The following RASL12 variants were observed in gnomAD, a reference collection of about 807,000 sequenced individuals.
RASL12 encodes the protein ras-like protein family member 12.
RASL12 carries 16 observed loss-of-function variants against 22.9 expected under a neutral mutation model. The ratio of observed to expected loss-of-function variants is 0.70; its 90% CI spans 0.47 to 1.06. The LOEUF (loss-of-function observed/expected upper bound fraction) is 1.06. Among genes scored for constraint, RASL12 ranks in the 50% least tolerant of loss-of-function variants. RASL12 has a pLI of 0.00. For missense variants in RASL12, 306 were observed against 353.1 expected, an observed-to-expected ratio of 0.87 and a Z score of 1.07; for synonymous variants, 159 against 152.2, an observed-to-expected ratio of 1.04 and a Z score of -0.33.
rs539543849 is a variant in RASL12 at position 65,062,024 on chromosome 15, T to A, written c.161-2606A>T. On this transcript the variant is annotated intron_variant, in intron 2 of 4. Transcript: ENST00000220062. ...TGAACCCGGGAGGTGGAGCTTGCAGTGAGCCGAGATTGCGCCACTGCACTC... is the reference window on the plus strand; with the variant it reads ...TGAACCCGGGAGGTGGAGCTTGCAGAGAGCCGAGATTGCGCCACTGCACTC... Among the ~76,000 whole-genome samples, 5 of 143,062 alleles carry A rather than the reference T, an allele frequency of 3.5e-5. No homozygotes were observed. In the South Asian group the frequency reaches 1.1e-3, roughly 31 times the overall value. The allele number at this position is 143,062 out of a possible 152,430, so 93.9% of individuals were successfully genotyped here.
intron 2 of RASL12, among the ~76,000 whole-genome samples, chr15:65,061,965 C>T (rs1196184771): frequency 2.0e-5 from 3 of 151,638 alleles, no homozygotes; most frequent in Non-Finnish European, 4.4e-5. Flanking sequence ...CCTGTAGTCC[C>T]AGCTACTCGG....
intron 2 of RASL12, among the ~76,000 whole-genome samples, chr15:65,064,526 C>T (rs573768719): frequency 9.2e-5 from 14 of 152,232 alleles, no homozygotes; most frequent in South Asian, 4.1e-4. Flanking sequence ...GAGAATTTCT[C>T]GAATGTCCTG....
downstream of RASL12, among the ~76,000 whole-genome samples, chr15:65,052,690 C>T (rs2086670225): frequency 6.6e-6 from 1 of 152,132 alleles, no homozygotes; most frequent in Non-Finnish European, 1.5e-5. Flanking sequence ...AGCCACTGCA[C>T]CTGGTCTCCT....
intron 1 of RASL12, among the ~76,000 whole-genome samples, chr15:65,066,087 G>T (rs902240575): frequency 2.1e-5 from 3 of 142,836 alleles, no homozygotes; most frequent in African/African-American, 7.8e-5. Context: ...GAGAATAAAA[G>T]AAAGAGAAGG....
At chr15:65,058,876 TC>T (rs1355658827) in intron 3 of RASL12, among the ~76,000 whole-genome samples, 1 of 152,234 alleles carries the variant, frequency 6.6e-6, no homozygotes, top group Non-Finnish European at 1.5e-5. Context: ...TCTGGCATGG[TC>T]CCTACAGAGA....
At chr15:65,075,217 C>T (rs916405049) in intron 1 of RASL12, among the ~76,000 whole-genome samples, 8 of 152,222 alleles carry the variant, frequency 5.3e-5, no homozygotes, top group Admixed American at 2.6e-4. Flanking sequence ...GCCAGCCCAC[C>T]GGCGCTGTGC....
At chr15:65,053,136 T>G, downstream of RASL12, 2 of 1,614,118 alleles carry the variant, frequency 1.2e-6, no homozygotes, top group Non-Finnish European at 1.7e-6. Context: ...TCAGTTTTCC[T>G]TCCGGATGTA....
At chr15:65,074,581 G>C (rs1414678484) in intron 1 of RASL12, among the ~76,000 whole-genome samples, 1 of 152,096 alleles carries the variant, frequency 6.6e-6, no homozygotes, top group African/African-American at 2.4e-5. Context: ...ATTTTTAATA[G>C]AGACGGGGTT....
chr15:65,067,987 G>T lies in RASL12; in HGVS notation c.-152C>A. 1 of 1,163,794 alleles carries T rather than the reference G, an allele frequency of 8.6e-7. No homozygotes were observed. Among genetic ancestry groups the T allele is most frequent in the Non-Finnish European group, 1.1e-6 (1 of 944,704 alleles). The allele number at this position is 1,163,794 out of a possible 1,614,324, so 72.1% of individuals were successfully genotyped here. A position where few individuals can be genotyped will look rare whatever the true frequency, so the allele number is the denominator to read the frequency against. On this transcript the variant is annotated 5_prime_UTR_variant, in exon 1 of 5. Transcript: ENST00000220062. Reference sequence around the variant, plus strand: ...CCGCGCCCTCGGCCCCGCGTCCAGCGGGCTGCCACCCCGCGGGGAGGAGGG... The same window carrying T: ...CCGCGCCCTCGGCCCCGCGTCCAGCTGGCTGCCACCCCGCGGGGAGGAGGG...
chr15:65,055,207 C>G lies in RASL12; in HGVS notation c.493G>C (p.Ala165Pro). The G allele has an allele frequency of 2.5e-6, 4 of 1,610,180 alleles. No homozygotes were observed. The highest frequency in any genetic ancestry group is 3.4e-6 in the Non-Finnish European group (4 of 1,178,424). The change falls in exon 5 of 5, where the codon GCC (alanine) becomes CCC (proline). Residue 165 changes from alanine to proline, a missense_variant. Physicochemically the swap from Ala to Pro is conservative, Grantham distance 27. Coordinates refer to ENST00000220062, the MANE Select transcript of RASL12 (RefSeq NM_016563.4). ...RFGCLFFEVS[A>P]CLDFEHVQHV... Reference sequence around the variant, plus strand: ...TGCACGTGCTCAAAGTCCAGACAGGCAGAGACCTCGAAAAACAGGCACCCA... The same window carrying G: ...TGCACGTGCTCAAAGTCCAGACAGGGAGAGACCTCGAAAAACAGGCACCCA...
At chr15:65,050,836 CT>C (rs57404080), downstream of RASL12, among the ~76,000 whole-genome samples, 18 of 95,632 alleles carry the variant, frequency 1.9e-4, no homozygotes, top group Admixed American at 2.7e-4. Context: ...TCTTCTTCTT[CT>C]TTTTTTTTTT....
downstream of RASL12, chr15:65,049,809 C>A: frequency 1.7e-4 from 70 of 402,860 alleles, no homozygotes; most frequent in East Asian, 2.5e-4. Context: ...TGTCCCATAA[C>A]TTTGGGCCAG....
At chr15:65,052,399 CTTTTTTTTTT>C (rs34021026), downstream of RASL12, among the ~76,000 whole-genome samples, 1 of 76,346 alleles carries the variant, frequency 1.3e-5, no homozygotes, top group Non-Finnish European at 2.5e-5. Flanking sequence ...GCATCCTTGG[CTTTTTTTTTT>C]TTTTTTTTTT....
chr15:65,058,342 G>C, intron 4 of RASL12, 85 bp downstream of exon 4: 1 of 1,116,620 alleles, frequency 9.0e-7, no homozygotes, highest in Admixed American at 3.1e-5. Context: ...GTTCTTAGCA[G>C]CCCACTAATC....
At chr15:65,051,751 G>A, downstream of RASL12, 2 of 620,328 alleles carry the variant, frequency 3.2e-6, no homozygotes, top group African/African-American at 2.0e-5. Flanking sequence ...TGTCCTTCGA[G>A]AACCCCAAGC....
At chr15:65,073,062 CAAAA>C (rs1040852284) in intron 1 of RASL12, among the ~76,000 whole-genome samples, 6 of 151,916 alleles carry the variant, frequency 3.9e-5, no homozygotes, top group Non-Finnish European at 8.8e-5. Context: ...AACAAACAAA[CAAAA>C]AAACCCCAAA....
At chr15:65,065,335 G>T in intron 1 of RASL12, 62 bp from the exon 2 acceptor site, 1 of 1,485,216 alleles carries the variant, frequency 6.7e-7, no homozygotes, top group African/African-American at 1.4e-5. Flanking sequence ...CTGGCCCCTC[G>T]TTTAAGGGAG....
chr15:65,050,804 TCTTTC>T (rs1242552330), downstream of RASL12, among the ~76,000 whole-genome samples: 1 of 150,700 alleles, frequency 6.6e-6, no homozygotes, highest in Non-Finnish European at 1.5e-5. Context: ...CTGCCTTCTT[TCTTTC>T]CTTTTTTTTT....
Position 65,067,856 on chromosome 15 carries a change from C to A in RASL12, c.-21G>T, listed in dbSNP as rs2086898133. The A allele has an allele frequency of 2.7e-6, 4 of 1,475,720 alleles. No homozygotes were observed. Among genetic ancestry groups the A allele is most frequent in the South Asian group, 1.4e-5 (1 of 72,828 alleles). 91.4% of individuals were successfully genotyped at this position (1,475,720 alleles called of 1,614,324 possible). A position where few individuals can be genotyped will look rare whatever the true frequency, so the allele number is the denominator to read the frequency against. On this transcript the variant is annotated 5_prime_UTR_variant, in exon 1 of 5. Coordinates refer to ENST00000220062, the MANE Select transcript of RASL12 (RefSeq NM_016563.4). ...GACATGGCGACGCCCTGGACGGCCA[C>A]GCAGGTCTGCGGCCGGTGGGCCCCG...
Sources: gnomAD v4.1 joint callset for allele counts (sites outside exome capture counted in the v4.1 genomes callset) on GRCh38, gnomAD v4.1.1 for gene constraint, MANE v1.5 for transcripts, NCBI Gene and HGNC (gene_info 2026-07-23, HGNC 2026-07-21) for gene names.